The following METAP1 variants were observed in gnomAD, a reference collection of about 807,000 sequenced individuals.
The protein encoded by METAP1 is methionyl aminopeptidase 1.
A neutral mutation model predicts 53.8 loss-of-function variants in METAP1; 28 were observed. That is an observed-to-expected ratio of 0.52 (90% CI 0.39 to 0.71). The LOEUF (loss-of-function observed/expected upper bound fraction) is 0.71. Ranked by LOEUF, METAP1 falls within the 30% of genes least tolerant of loss-of-function variation. The probability of loss-of-function intolerance (pLI) is 0.00; values close to 1 mark genes in which losing one functional copy is unlikely to be tolerated. For synonymous variants in METAP1, 181 were observed against 165.7 expected, an observed-to-expected ratio of 1.09 and a Z score of -0.71; for missense variants, 389 against 479.8, an observed-to-expected ratio of 0.81 and a Z score of 1.77.
Position 99,041,062 on chromosome 4 carries a change from A to C in METAP1, c.452A>C (p.Asp151Ala), listed in dbSNP as rs1375351677. 1.2e-6 allele frequency: 2 copies of C among 1,608,750 alleles called. No homozygotes were observed. Among genetic ancestry groups the C allele is most frequent in the South Asian group, 1.1e-5 (1 of 90,342 alleles). ...LVCRLAREVL[D>A]VAAGMIKPGV... is the part of the protein sequence containing the mutation. The stretch of plus-strand genomic sequence containing the variant: ...TTACAGCTTGCTAGAGAAGTTTTGG[A>C]TGTTGCTGCCGGCATGATTAAACCA... The change falls in exon 6 of 11, where the codon GAT (aspartate) becomes GCT (alanine). Residue 151 changes from aspartate to alanine, a missense_variant. Coordinates refer to ENST00000296411, the MANE Select transcript of METAP1 (RefSeq NM_015143.3).
At chr4:99,031,757 T>A (rs1434892954) in intron 2 of METAP1, 2 of 484,360 alleles carry the variant, frequency 4.1e-6, no homozygotes, top group Non-Finnish European at 3.7e-6. Context: ...ACATCTGTAG[T>A]TATTTTGTGT....
chr4:99,023,380 T>C (rs1724292191), intron 1 of METAP1: 1 of 866,554 alleles, frequency 1.2e-6, no homozygotes, highest in Non-Finnish European at 1.4e-6. Context: ...TGTCTTTGCA[T>C]ATGTGTTTAT....
chr4:99,005,347 A>G (rs961037599), intron 1 of METAP1, among the ~76,000 whole-genome samples: 1 of 152,250 alleles, frequency 6.6e-6, no homozygotes, highest in Non-Finnish European at 1.5e-5. Flanking sequence ...GAATTTTCTC[A>G]AAAGAAGATA....
In METAP1 at chr4:99,039,275, A is replaced by T. The variant is rs1725670883; in HGVS notation, c.341-99A>T. The T allele has an allele frequency of 1.2e-5, 8 of 662,920 alleles. No homozygotes were observed. In the South Asian group the frequency reaches 1.8e-4, roughly 15 times the overall value. 41.1% of individuals were successfully genotyped at this position (662,920 alleles called of 1,614,324 possible). On this transcript the variant is annotated intron_variant, in intron 4 of 10. Coordinates refer to ENST00000296411, the MANE Select transcript of METAP1 (RefSeq NM_015143.3). ...ATCATGAATTACTGTTGTGTGAAAC[A>T]GTGAGACTACTGTTTTTATGCCACA...
At chr4:99,028,725 T>G in intron 1 of METAP1, 142 bp from the exon 2 acceptor site, 1 of 520,496 alleles carries the variant, frequency 1.9e-6, no homozygotes, top group Non-Finnish European at 3.3e-6. Context: ...TTCTTAAGCT[T>G]TTCCCAAATA....
rs181697026 is a variant in METAP1 at position 99,039,641 on chromosome 4, T to C, written c.432+176T>C. Among the ~76,000 whole-genome samples the C allele has an allele frequency of 3.2e-3, 491 of 152,036 alleles. 5 individuals carry two copies. The highest frequency in any genetic ancestry group is 0.011 in the African/African-American group (455 of 41,464). ...CAGAGTTTCACTCTGTCGCCCAGGCTGGAGTGCAGTGGCGTGATCTCTGCT... is the reference window on the plus strand; with the variant it reads ...CAGAGTTTCACTCTGTCGCCCAGGCCGGAGTGCAGTGGCGTGATCTCTGCT... On this transcript the variant is annotated intron_variant, in intron 5 of 10. Transcript: ENST00000296411.
At chr4:99,056,223 G>C (rs2110426229) in intron 9 of METAP1, among the ~76,000 whole-genome samples, 1 of 152,266 alleles carries the variant, frequency 6.6e-6, no homozygotes, top group Non-Finnish European at 1.5e-5. Context: ...TGATGTATTA[G>C]CCATCTGGTG....
At chr4:99,058,340 C>T (rs1254901793) in intron 10 of METAP1, among the ~76,000 whole-genome samples, 1 of 152,132 alleles carries the variant, frequency 6.6e-6, no homozygotes, top group Non-Finnish European at 1.5e-5. Flanking sequence ...AGACTCAGCT[C>T]ATGAGCTGTT....
chr4:98,997,745 G>C (rs1722705380), intron 1 of METAP1, among the ~76,000 whole-genome samples: 1 of 152,194 alleles, frequency 6.6e-6, no homozygotes, highest in South Asian at 2.1e-4. Context: ...TGTTAGGATT[G>C]GAGGTATTTA....
intron 1 of METAP1, among the ~76,000 whole-genome samples, chr4:99,025,712 A>G (rs1260894692): frequency 6.6e-6 from 1 of 152,214 alleles, no homozygotes; most frequent in Non-Finnish European, 1.5e-5. Flanking sequence ...GGTTCAGGCC[A>G]TGACTGGAAG....
intron 1 of METAP1, among the ~76,000 whole-genome samples, chr4:99,010,112 A>G (rs1260138349): frequency 6.6e-6 from 1 of 152,150 alleles, no homozygotes; most frequent in Non-Finnish European, 1.5e-5. Context: ...AGTTTTCCCA[A>G]CAGTGTTTAT....
At chr4:98,997,546 T>C (rs1049632402) in intron 1 of METAP1, 2 of 154,646 alleles carry the variant, frequency 1.3e-5, no homozygotes, top group Admixed American at 6.5e-5. Context: ...AGTTGTACCA[T>C]CTGAGTAGAA....
chr4:99,058,028 A>G (rs993104739), intron 10 of METAP1, among the ~76,000 whole-genome samples: 3 of 152,002 alleles, frequency 2.0e-5, no homozygotes, highest in African/African-American at 7.2e-5. Context: ...TTCTGTCAGG[A>G]GATGCTGAAA....
intron 9 of METAP1, among the ~76,000 whole-genome samples, chr4:99,053,434 G>A (rs1215111191): frequency 1.3e-5 from 2 of 151,916 alleles, no homozygotes; most frequent in African/African-American, 4.8e-5. Flanking sequence ...TGTATTTTTA[G>A]TAGAAATGGG....
intron 1 of METAP1, among the ~76,000 whole-genome samples, chr4:99,011,832 C>T (rs1391739886): frequency 3.9e-5 from 6 of 152,036 alleles, no homozygotes; most frequent in African/African-American, 7.2e-5. Flanking sequence ...CCCAGCTACT[C>T]GAGAGGCTGA....
intron 9 of METAP1, among the ~76,000 whole-genome samples, chr4:99,049,486 A>G (rs1269424199): frequency 6.6e-6 from 1 of 152,130 alleles, no homozygotes; most frequent in African/African-American, 2.4e-5. Flanking sequence ...ATTTGTTTAT[A>G]TAAATAGAGG....
chr4:99,004,558 C>T (rs1218871883), intron 1 of METAP1, among the ~76,000 whole-genome samples: 1 of 151,472 alleles, frequency 6.6e-6, no homozygotes, highest in Non-Finnish European at 1.5e-5. Flanking sequence ...AAGCATGATA[C>T]AGTAAATGCC....
At chr4:99,055,248 G>C (rs1429670986) in intron 9 of METAP1, among the ~76,000 whole-genome samples, 1 of 151,958 alleles carries the variant, frequency 6.6e-6, no homozygotes, top group Admixed American at 6.6e-5. Flanking sequence ...AAAATTAGCC[G>C]GCCATGGTGC....
chr4:98,999,670 C>A (rs1722830392), intron 1 of METAP1, among the ~76,000 whole-genome samples: 1 of 150,922 alleles, frequency 6.6e-6, no homozygotes, highest in African/African-American at 2.4e-5. Flanking sequence ...ACCACCACGC[C>A]TGGCTAATTT....
Sources: allele counts gnomAD v4.1 joint callset (sites outside exome capture counted in the v4.1 genomes callset), GRCh38; gene constraint gnomAD v4.1.1; transcripts MANE v1.5; gene names NCBI Gene and HGNC (gene_info 2026-07-23, HGNC 2026-07-21).